GATAD1: variants seen among roughly 807,000 people sequenced by gnomAD.
GATAD1 encodes the protein GATA zinc finger domain containing 1.
A neutral mutation model predicts 26.5 loss-of-function variants in GATAD1; 12 were observed. The observed-to-expected ratio is 0.45, with a 90% CI of 0.29 to 0.73. GATAD1 has a LOEUF of 0.73. Ranked by LOEUF, GATAD1 falls within the 30% of genes least tolerant of loss-of-function variation. GATAD1 has a pLI of 0.10. For synonymous variants in GATAD1, 129 were observed against 133.1 expected, an observed-to-expected ratio of 0.97 and a Z score of 0.21; for missense variants, 266 against 342.1, an observed-to-expected ratio of 0.78 and a Z score of 1.75.
intron 3 of GATAD1, 88 bp downstream of exon 3, chr7:92,450,848 T>C: frequency 1.3e-6 from 1 of 787,006 alleles, no homozygotes; most frequent in Non-Finnish European, 2.2e-6. Context: ...AGGTCTCTGC[T>C]ACTCTTTATT....
rs1325221140 is a variant in GATAD1, at chr7:92,458,997, G to GC, written c.*2436dup. ...CCAGCACTTTGGAAGGCTGAGGCAGGCGGATCACCTGAGGTCAGGAGTTCG... is the reference window on the plus strand; with the variant it reads ...CCAGCACTTTGGAAGGCTGAGGCAGGCCGGATCACCTGAGGTCAGGAGTTCG... On this transcript the variant is annotated 3_prime_UTR_variant, in exon 5 of 5. Coordinates refer to ENST00000287957, the MANE Select transcript of GATAD1 (RefSeq NM_021167.5). 2 of 152,228 alleles carry GC rather than the reference G, an allele frequency of 1.3e-5. No homozygotes were observed. Among genetic ancestry groups the GC allele is most frequent in the Admixed American group, 1.3e-4 (2 of 15,286 alleles). The allele number at this position is 152,228 out of a possible 1,614,324, so 9.4% of individuals were successfully genotyped here.
At chr7:92,462,629 C>A (rs1585180121), downstream of GATAD1, among the ~76,000 whole-genome samples, 1 of 152,286 alleles carries the variant, frequency 6.6e-6, no homozygotes, top group Non-Finnish European at 1.5e-5. Context: ...GATCCCCATG[C>A]CCCAAGTTCA....
intron 1 of GATAD1, among the ~76,000 whole-genome samples, 184 bp downstream of exon 1, chr7:92,448,162 A>G (rs1789247744): frequency 1.3e-5 from 2 of 152,222 alleles, no homozygotes; most frequent in South Asian, 4.1e-4. Context: ...CTGTTATTGT[A>G]AGAAATTCAA....
chr7:92,481,898 A>G, the GATAD1 span, among the ~76,000 whole-genome samples: 1 of 152,218 alleles, frequency 6.6e-6, no homozygotes, highest in East Asian at 1.9e-4. Flanking sequence ...GGGAGAGCAC[A>G]TGTGTTTTCA....
the GATAD1 span, among the ~76,000 whole-genome samples, chr7:92,484,815 C>T: frequency 6.6e-6 from 1 of 152,144 alleles, no homozygotes; most frequent in Non-Finnish European, 1.5e-5. Context: ...TGAAGGAGTC[C>T]TCCTATCCCA....
chr7:92,479,233 TTTG>T, the GATAD1 span, among the ~76,000 whole-genome samples: 5 of 152,200 alleles, frequency 3.3e-5, no homozygotes, highest in African/African-American at 1.2e-4. Flanking sequence ...CCAAACAGGC[TTTG>T]TGTGAGCAAC....
At chr7:92,470,131 G>A in the GATAD1 span, 5 of 778,848 alleles carry the variant, frequency 6.4e-6, no homozygotes, top group Non-Finnish European at 1.2e-5. Flanking sequence ...CCAATAATGA[G>A]TATTTGCATG....
At chr7:92,456,237 G>T in intron 4 of GATAD1, 135 bp from the exon 5 acceptor site, 1 of 543,070 alleles carries the variant, frequency 1.8e-6, no homozygotes, top group Admixed American at 3.4e-5. Flanking sequence ...TAATTTCAAA[G>T]TAATGCATGT....
downstream of GATAD1, among the ~76,000 whole-genome samples, chr7:92,462,696 G>A (rs1054982690): frequency 3.5e-4 from 54 of 152,226 alleles, no homozygotes; most frequent in African/African-American, 1.2e-3. Context: ...GCCTTTGGGA[G>A]GTAATCAGAT....
the GATAD1 span, among the ~76,000 whole-genome samples, chr7:92,488,921 A>G: frequency 6.6e-6 from 1 of 152,108 alleles, no homozygotes; most frequent in South Asian, 2.1e-4. Context: ...TTTAGTAGAG[A>G]TGGGGTTTCC....
the GATAD1 span, among the ~76,000 whole-genome samples, chr7:92,479,034 G>C: frequency 2.0e-5 from 3 of 152,136 alleles, no homozygotes; most frequent in African/African-American, 7.2e-5. Flanking sequence ...GCCTCCTCCA[G>C]CCTCCCAGTA....
intron 4 of GATAD1, 31 bp from the exon 5 acceptor site, chr7:92,456,341 G>A (rs755279096): frequency 1.4e-6 from 2 of 1,436,188 alleles, no homozygotes; most frequent in Non-Finnish European, 9.7e-7. Flanking sequence ...GGTCAAAAAT[G>A]TATTTAACCT....
chr7:92,486,930 G>A, the GATAD1 span: 1 of 152,456 alleles, frequency 6.6e-6, no homozygotes, highest in Non-Finnish European at 1.5e-5. Context: ...ATAGTAGAGG[G>A]ATGTGATTTC....
the GATAD1 span, among the ~76,000 whole-genome samples, chr7:92,476,600 T>C: frequency 6.6e-6 from 1 of 152,128 alleles, no homozygotes; most frequent in African/African-American, 2.4e-5. Context: ...TCTTTGACTC[T>C]CTCTCTCTCC....
chr7:92,473,244 A>G, the GATAD1 span: 2 of 152,298 alleles, frequency 1.3e-5, no homozygotes, highest in African/African-American at 4.8e-5. Flanking sequence ...AGCCTCATTG[A>G]TAATCCTGAG....
the GATAD1 span, among the ~76,000 whole-genome samples, chr7:92,474,247 G>A: frequency 6.6e-6 from 1 of 151,880 alleles, no homozygotes; most frequent in African/African-American, 2.4e-5. Context: ...GTTTTGCTCC[G>A]GGCCTACGGC....
the GATAD1 span, among the ~76,000 whole-genome samples, chr7:92,476,065 C>G: frequency 1.3e-5 from 2 of 152,168 alleles, no homozygotes; most frequent in Non-Finnish European, 2.9e-5. Context: ...AACCATCTAT[C>G]GTCCTGTCCT....
chr7:92,481,704 GA>G, the GATAD1 span, among the ~76,000 whole-genome samples: 1 of 152,182 alleles, frequency 6.6e-6, no homozygotes, highest in African/African-American at 2.4e-5. Flanking sequence ...GAGGAGTGGG[GA>G]AAGGATTTAG....
At chr7:92,488,093 T>C in the GATAD1 span, among the ~76,000 whole-genome samples, 2 of 152,330 alleles carry the variant, frequency 1.3e-5, no homozygotes, top group Non-Finnish European at 2.9e-5. Flanking sequence ...TATTGTGGCA[T>C]AGCTACACTA....
Sources: allele counts gnomAD v4.1 joint callset (sites outside exome capture counted in the v4.1 genomes callset), GRCh38; gene constraint gnomAD v4.1.1; transcripts MANE v1.5; gene names NCBI Gene and HGNC (gene_info 2026-07-23, HGNC 2026-07-21).